Variants in DNAH3 observed in about 807,000 individuals in gnomAD.
DNAH3 encodes the protein axonemal beta dynein heavy chain 3.
A neutral mutation model predicts 432.5 loss-of-function variants in DNAH3; 332 were observed. That is an observed-to-expected ratio of 0.77 (90% CI 0.70 to 0.84). The LOEUF is 0.84. Ranked by LOEUF, DNAH3 falls within the 40% of genes least tolerant of loss-of-function variation. The pLI, the probability that DNAH3 is intolerant of heterozygous loss-of-function variation, is 0.00. For synonymous variants in DNAH3, 1,956 were observed against 1,900.2 expected, an observed-to-expected ratio of 1.03 and a Z score of -0.76; for missense variants, 4,861 against 5,114.0, an observed-to-expected ratio of 0.95 and a Z score of 1.51.
chr16:21,116,283 TG>T (rs1179867777), intron 12 of DNAH3, among the ~76,000 whole-genome samples: 1 of 152,064 alleles, frequency 6.6e-6, no homozygotes, highest in Non-Finnish European at 1.5e-5. Flanking sequence ...TCTTGAATTG[TG>T]GTTCCCATAA....
chr16:21,022,292 C>T (rs13336912), intron 39 of DNAH3, among the ~76,000 whole-genome samples, 192 bp from the exon 40 acceptor site: 37,840 of 152,060 alleles, frequency 0.25, 4,882 homozygotes, highest in Admixed American at 0.31. Flanking sequence ...AAGACTGTTG[C>T]CCACAGGCCA....
At chr16:21,150,894 T>G (rs2092845904) in intron 1 of DNAH3, 48 bp from the exon 1 acceptor site, 1 of 152,680 alleles carries the variant, frequency 6.5e-6, no homozygotes. Context: ...GCCTCTGCGG[T>G]GCCTACATAC....
chr16:20,975,399 CTT>C lies in DNAH3; in HGVS notation c.8091_8092del (p.Glu2699ThrfsTer23). 1 of 1,614,004 alleles carries C rather than the reference CTT, an allele frequency of 6.2e-7. No individual in the cohort carries two copies. The highest frequency in any genetic ancestry group is 1.7e-4 in the Middle Eastern group (1 of 6,058). ...TTGAGGTTGAAGAGCTGTCAGTTCT[CTT>C]TGCATAACCGCTACCTAGCAAGGAG... On this transcript the variant is annotated frameshift_variant, in exon 51 of 62. Transcript: ENST00000261383. LOFTEE classifies it high-confidence loss of function.
chr16:21,153,450 T>A (rs976580683), intron 1 of DNAH3, among the ~76,000 whole-genome samples: 1 of 152,110 alleles, frequency 6.6e-6, no homozygotes, highest in Admixed American at 6.5e-5. Flanking sequence ...AACGCACCAA[T>A]CAGCACCCTG....
chr16:21,040,524 C>A (rs2089397506), intron 32 of DNAH3, among the ~76,000 whole-genome samples: 1 of 151,716 alleles, frequency 6.6e-6, no homozygotes, highest in Non-Finnish European at 1.5e-5. Flanking sequence ...CAACACCAGG[C>A]CCAGCTAATT....
At chr16:21,039,063 T>C (rs1242667190) in intron 33 of DNAH3, among the ~76,000 whole-genome samples, 1 of 152,228 alleles carries the variant, frequency 6.6e-6, no homozygotes, top group Non-Finnish European at 1.5e-5. Flanking sequence ...ACGTACACAC[T>C]TGAAGACACT....
chr16:20,982,626 A>G (rs2085963206), intron 49 of DNAH3, 95 bp downstream of exon 49: 1 of 1,023,096 alleles, frequency 9.8e-7, no homozygotes, highest in African/African-American at 1.6e-5. Flanking sequence ...GCTATATACA[A>G]ATTGAGAAAT....
intron 20 of DNAH3, among the ~76,000 whole-genome samples, chr16:21,078,960 T>C (rs761598869): frequency 6.6e-6 from 1 of 152,224 alleles, no homozygotes; most frequent in South Asian, 2.1e-4. Context: ...ATCACCTAGC[T>C]ACTCTCCCAT....
chr16:21,147,813 CAT>C (rs1208959354), intron 1 of DNAH3, among the ~76,000 whole-genome samples: 4 of 152,204 alleles, frequency 2.6e-5, no homozygotes, highest in African/African-American at 4.8e-5. Flanking sequence ...AATGAAATCA[CAT>C]GTGTTTTTGT....
At position 21,073,723 on chromosome 16, in the gene DNAH3, T is replaced by C. The variant is rs149231382; in HGVS notation, c.3084+1724A>G. On this transcript the variant is annotated intron_variant, in intron 21 of 61. Coordinates refer to ENST00000261383, the Ensembl canonical transcript of DNAH3. ...CCGAAGCAAGCATAAAATCCTGAAATATCACTCTGACCAAGACAGCCGGCC... is the reference window on the plus strand; with the variant it reads ...CCGAAGCAAGCATAAAATCCTGAAACATCACTCTGACCAAGACAGCCGGCC... 3.3e-5 allele frequency among the ~76,000 whole-genome samples: 5 copies of C among 152,212 alleles called. No individual in the cohort carries two copies. The East Asian group carries it at 9.7e-4, about 29-fold the overall frequency.
exon 53 of DNAH3, chr16:20,963,843 C>T (rs745552109): frequency 6.2e-7 from 1 of 1,614,042 alleles, no homozygotes; most frequent in Admixed American, 1.7e-5. Flanking sequence ...CAATGATGTA[C>T]TTGATGCGCA....
chr16:21,096,303 T>C (rs535416609), intron 18 of DNAH3, among the ~76,000 whole-genome samples: 1 of 152,130 alleles, frequency 6.6e-6, no homozygotes, highest in East Asian at 1.9e-4. Flanking sequence ...GGCTGATTTT[T>C]TATTTTTTGT....
chr16:21,143,980 G>A (rs540975816), intron 3 of DNAH3, among the ~76,000 whole-genome samples: 2 of 152,292 alleles, frequency 1.3e-5, no homozygotes, highest in Admixed American at 6.5e-5. Flanking sequence ...TCACCCAGAC[G>A]TAGCACAGAG....
chr16:21,122,234 AG>A (rs2092358527), intron 9 of DNAH3, 110 bp from the exon 11 acceptor site: 1 of 888,748 alleles, frequency 1.1e-6, no homozygotes. Context: ...AAGGCAATGA[AG>A]GGCATCATAC....
intron 53 of DNAH3, 125 bp from the exon 54 acceptor site, chr16:20,959,529 G>C (rs2084718823): frequency 1.1e-6 from 1 of 904,890 alleles, no homozygotes. Flanking sequence ...CAACACTTTG[G>C]GAGGCCGAGG....
chr16:20,938,790 C>G (rs149635462), intron 59 of DNAH3, among the ~76,000 whole-genome samples: 12 of 149,298 alleles, frequency 8.0e-5, no homozygotes, highest in Admixed American at 1.3e-4. Flanking sequence ...TTCTTTTTTT[C>G]TTTTGAGACA....
chr16:21,024,580 G>T lies in DNAH3; in HGVS notation c.5646+16C>A. On this transcript the variant is annotated intron_variant, in intron 39 of 61. Transcript: ENST00000261383. ...GGAGACAGCAGGAGGGGAAGGAAAG[G>T]GTCTGAGGGGCTCACCAATTCTTTG... 6.3e-7 allele frequency: 1 copy of T among 1,587,788 alleles called. No homozygotes were observed. The highest frequency in any genetic ancestry group is 1.1e-5 in the South Asian group (1 of 87,894).
chr16:20,984,842 G>A (rs2086110337), intron 48 of DNAH3, among the ~76,000 whole-genome samples: 1 of 151,392 alleles, frequency 6.6e-6, no homozygotes, highest in Non-Finnish European at 1.5e-5. Context: ...TCCAGCCTGG[G>A]CAACAGAGCA....
chr16:21,113,859 C>G (rs1435749962), intron 12 of DNAH3, among the ~76,000 whole-genome samples: 1 of 152,168 alleles, frequency 6.6e-6, no homozygotes. Flanking sequence ...AATGCTGTGC[C>G]TGACATACAA....
Sources: gnomAD v4.1 joint callset for allele counts (sites outside exome capture counted in the v4.1 genomes callset) on GRCh38, gnomAD v4.1.1 for gene constraint, MANE v1.5 for transcripts, NCBI Gene and HGNC (gene_info 2026-07-23, HGNC 2026-07-21) for gene names.